The following AR variants were observed in gnomAD, a reference collection of about 807,000 sequenced individuals.
AR encodes the protein dihydrotestosterone receptor.
Under a neutral mutation model 53.9 loss-of-function variants are expected in AR, and 8 were observed. The ratio of observed to expected loss-of-function variants is 0.15; its 90% confidence interval spans 0.09 to 0.27. The LOEUF (loss-of-function observed/expected upper bound fraction) is 0.27. AR is among the 10% of genes least tolerant of loss of function. AR has a pLI of 1.00. For synonymous variants in AR, 359 were observed against 316.4 expected (o/e 1.13, Z -1.43); for missense variants, 639 against 742.5 (o/e 0.86, Z 1.62).
chrX:67,545,826 G>A lies in AR; in HGVS notation c.680G>A (p.Gly227Glu), dbSNP rs1929700059. The change falls in exon 1 of 8, where the codon GGG becomes GAG. Residue 227 changes from glycine (G) to glutamate (E), a missense_variant. By Grantham distance (98) the Gly-to-Glu change is moderately conservative. Coordinates refer to ENST00000374690, the MANE Select transcript of AR (RefSeq NM_000044.6). ...APTSSKDNYLGGTSTISDNAK... is the reference protein window; with the variant it reads ...APTSSKDNYLEGTSTISDNAK... ...ACTTCCTCCAAGGACAATTACTTAGGGGGCACTTCGACCATTTCTGACAAC... is the reference window on the plus strand; with the variant it reads ...ACTTCCTCCAAGGACAATTACTTAGAGGGCACTTCGACCATTTCTGACAAC... 5.0e-6 allele frequency: 6 copies of A among 1,212,107 alleles called. No individual in the cohort carries two copies. The highest frequency in any genetic ancestry group is 6.7e-6 in the Non-Finnish European group (6 of 895,585).
At chrX:67,717,337 C>G (rs2076117385) in intron 4 of AR, 141 bp from the exon 5 acceptor site, 1 of 800,097 alleles carries the variant, frequency 1.2e-6, no homozygotes, top group South Asian at 2.2e-5. Flanking sequence ...CCCCACCACC[C>G]CTTAATGGCC....
intron 2 of AR, among the ~76,000 whole-genome samples, chrX:67,652,928 A>G (rs951896796): frequency 8.9e-6 from 1 of 112,163 alleles, no homozygotes; most frequent in Non-Finnish European, 1.9e-5. Context: ...GAGCATATTC[A>G]TAGCTTTTAC....
chrX:67,677,447 C>T (rs1038547185), intron 2 of AR, among the ~76,000 whole-genome samples: 9 of 111,592 alleles, frequency 8.1e-5, no homozygotes, highest in African/African-American at 2.9e-4. Context: ...CACAATCTAA[C>T]GAGGGAGATA....
At chrX:67,595,673 G>T (rs769357438) in intron 1 of AR, among the ~76,000 whole-genome samples, 1 of 106,227 alleles carries the variant, frequency 9.4e-6, no homozygotes, top group East Asian at 2.9e-4. Flanking sequence ...AAATAGCCAG[G>T]CGTGATGGTG....
rs2147314132 is a variant in AR at position 67,545,238 on chromosome X, G to C, written c.92G>C (p.Arg31Pro). The C allele has an allele frequency of 8.3e-7, 1 of 1,210,347 alleles. No individual in the cohort carries two copies. Among genetic ancestry groups the C allele is most frequent in the South Asian group, 1.8e-5 (1 of 56,855 alleles). The part of the protein sequence containing the change: ...GAFQNLFQSV[R>P]EVIQNPGPRH... The stretch of plus-strand genomic sequence containing the variant: ...TTCCAGAATCTGTTCCAGAGCGTGC[G>C]CGAAGTGATCCAGAACCCGGGCCCC... The change falls in exon 1 of 8, where the codon CGC becomes CCC. Residue 31 changes from arginine (R) to proline (P), a missense_variant. Arg to Pro is a moderately radical substitution (Grantham distance 103, BLOSUM62 -2). Coordinates refer to ENST00000374690, the MANE Select transcript of AR (RefSeq NM_000044.6).
intron 1 of AR, among the ~76,000 whole-genome samples, chrX:67,636,283 C>T (rs1296416668): frequency 1.8e-5 from 2 of 111,624 alleles, no homozygotes; most frequent in African/African-American, 6.5e-5. Context: ...CCCAGCCTCC[C>T]CTCAGAGGTA....
intron 2 of AR, among the ~76,000 whole-genome samples, chrX:67,674,159 GTCTC>G (rs758684375): frequency 2.7e-4 from 29 of 106,391 alleles, no homozygotes; most frequent in Middle Eastern, 4.7e-3. Flanking sequence ...AACAAATAGA[GTCTC>G]TCTCTCTCTC....
intron 2 of AR, among the ~76,000 whole-genome samples, chrX:67,683,325 CAG>C (rs1252343335): frequency 9.0e-6 from 1 of 110,836 alleles, no homozygotes; most frequent in Admixed American, 9.6e-5. Context: ...CCTAAAAAGA[CAG>C]AATACAGGGA....
chrX:67,678,813 A>T (rs1386143505), intron 2 of AR, among the ~76,000 whole-genome samples: 2 of 111,483 alleles, frequency 1.8e-5, no homozygotes, highest in Non-Finnish European at 3.8e-5. Context: ...TATTGTGAAT[A>T]ATGCTGAAAA....
chrX:67,660,894 C>G (rs1046077298), intron 2 of AR, among the ~76,000 whole-genome samples: 1 of 111,231 alleles, frequency 9.0e-6, no homozygotes, highest in African/African-American at 3.3e-5. Flanking sequence ...TTTCATTGAG[C>G]AGTGGTTTGT....
In AR at chrX:67,727,632, C is replaced by G. The variant is rs908562755; in HGVS notation, c.*3791C>G. Reference sequence around the variant, plus strand: ...TGGCAGGGCATAAAGGCCCAGGCCACTTCCTCTGCCCCTTCCCAGCCCTGC... The same window carrying G: ...TGGCAGGGCATAAAGGCCCAGGCCAGTTCCTCTGCCCCTTCCCAGCCCTGC... On this transcript the variant is annotated 3_prime_UTR_variant, in exon 8 of 8. Coordinates refer to ENST00000374690, the MANE Select transcript of AR (RefSeq NM_000044.6). 8 of 172,810 alleles carry G rather than the reference C, an allele frequency of 4.6e-5. No homozygotes were observed. The highest frequency in any genetic ancestry group is 2.1e-4 in the African/African-American group (7 of 34,032). The allele number at this position is 172,810 out of a possible 1,213,427, so 14.2% of individuals were successfully genotyped here. A position where few individuals can be genotyped will look rare whatever the true frequency, so the allele number is the denominator to read the frequency against.
At chrX:67,707,745 C>G (rs1376119202) in intron 3 of AR, among the ~76,000 whole-genome samples, 1 of 112,017 alleles carries the variant, frequency 8.9e-6, no homozygotes, top group Non-Finnish European at 1.9e-5. Context: ...CCTCGATGGT[C>G]TTTACAATTT....
chrX:67,669,496 A>G (rs1426523929), intron 2 of AR, among the ~76,000 whole-genome samples: 1 of 111,769 alleles, frequency 8.9e-6, no homozygotes, highest in Admixed American at 9.5e-5. Context: ...CCATATGCTG[A>G]GGAAAGAATG....
At chrX:67,629,588 C>A (rs1255482424) in intron 1 of AR, among the ~76,000 whole-genome samples, 1 of 110,054 alleles carries the variant, frequency 9.1e-6, no homozygotes, top group Non-Finnish European at 1.9e-5. Flanking sequence ...CAAAAAACCA[C>A]CTCCTGGATT....
intron 1 of AR, among the ~76,000 whole-genome samples, chrX:67,569,556 C>A (rs1229484635): frequency 9.0e-6 from 1 of 111,513 alleles, no homozygotes; most frequent in Admixed American, 9.5e-5. Context: ...CTTTTGTGCT[C>A]GTATCTCTGT....
At position 67,660,930 on chromosome X, in the gene AR, G is replaced by T. The variant is rs373150012; in HGVS notation, c.1768+17523G>T. Among the ~76,000 whole-genome samples the T allele has an allele frequency of 1.2e-4, 13 of 111,290 alleles. No homozygotes were observed. The South Asian group carries it at 1.9e-3, about 16-fold the overall frequency. ...AGTTCTCCTTGAAGAGGTCCTTCAA[G>T]TCCCTTGTAAGTTGGATTCCTAGGT... is the stretch of plus-strand genomic sequence containing the variant. On this transcript the variant is annotated intron_variant, in intron 2 of 7. Transcript: ENST00000374690.
intron 1 of AR, among the ~76,000 whole-genome samples, chrX:67,631,492 A>AG (rs1312410724): frequency 9.0e-6 from 1 of 111,718 alleles, no homozygotes; most frequent in Non-Finnish European, 1.9e-5. Context: ...CAGCTCCATC[A>AG]GCTCCTTTAA....
At position 67,545,319 on chromosome X, in the gene AR, AG is replaced by A. The variant is rs775748254; in HGVS notation, c.174del (p.Gln58HisfsTer117). The A allele has an allele frequency of 2.7e-5, 11 of 400,907 alleles. No homozygotes were observed. The African/African-American group carries it at 4.3e-4, about 15-fold the overall frequency. The allele number at this position is 400,907 out of a possible 1,213,427, so 33.0% of individuals were successfully genotyped here. On this transcript the variant is annotated frameshift_variant, in exon 1 of 8. Coordinates refer to ENST00000374690, the MANE Select transcript of AR (RefSeq NM_000044.6). LOFTEE classifies it high-confidence loss of function. Reference sequence around the variant, plus strand: ...CCCGGCGCCAGTTTGCTGCTGCTGCAGCAGCAGCAGCAGCAGCAGCAGCAGC... The same window carrying A: ...CCCGGCGCCAGTTTGCTGCTGCTGCACAGCAGCAGCAGCAGCAGCAGCAGC... Reference protein sequence around the residue: ...APPGASLLLLQQQQQQQQQQQ... With the variant: ...APPGASLLLLXQQQQQQQQQQ...
At chrX:67,705,275 T>C (rs748168822) in intron 3 of AR, among the ~76,000 whole-genome samples, 2 of 111,668 alleles carry the variant, frequency 1.8e-5, no homozygotes, top group Admixed American at 1.9e-4. Context: ...TTCCTACCCA[T>C]GAGCATGGAA....
Sources: gnomAD v4.1 joint callset for allele counts (sites outside exome capture counted in the v4.1 genomes callset) on GRCh38, gnomAD v4.1.1 for gene constraint, MANE v1.5 for transcripts, NCBI Gene and HGNC (gene_info 2026-07-23, HGNC 2026-07-21) for gene names.